The following LRCH1 variants were observed in gnomAD, a reference collection of about 807,000 sequenced individuals.
LRCH1 encodes leucine rich repeats and calponin homology domain containing 1, also known as leucine-rich repeat and calponin homology domain-containing protein 1.
Under a neutral mutation model 94.9 loss-of-function variants are expected in LRCH1, and 23 were observed. The observed-to-expected ratio is 0.24, with a 90% CI of 0.17 to 0.34. The LOEUF (loss-of-function observed/expected upper bound fraction) is 0.34, where lower values mean the gene tolerates loss of function less well. Among genes scored for constraint, LRCH1 ranks in the 10% least tolerant of loss-of-function variants. The pLI is 1.00. For synonymous variants in LRCH1, 364 were observed against 354.9 expected (o/e 1.03, Z -0.29); for missense variants, 790 against 945.9 (o/e 0.84, Z 2.16).
chr13:46,752,728 C>G (rs1044029207), exon 19 of LRCH1: 1 of 152,014 alleles, frequency 6.6e-6, no homozygotes, highest in African/African-American at 2.4e-5. Flanking sequence ...TATATGGTAG[C>G]ATGAAGCTTT....
rs1433450419 is a variant in LRCH1, at chr13:46,692,631, C to T, written c.1110C>T (p.Ser370=). The T allele has an allele frequency of 1.2e-6, 2 of 1,613,010 alleles. No homozygotes were observed. The highest frequency in any genetic ancestry group is 2.7e-5 in the African/African-American group (2 of 74,898). Residue 370 remains serine (S), a synonymous_variant, in exon 8 of 20, where the codon AGC becomes AGT. Coordinates refer to ENST00000389797, the MANE Select transcript of LRCH1 (RefSeq NM_001164211.2). The part of the protein sequence containing the change: ...IIKEDSCHRL[S]PVKGEFHQEF... ...AGGAGGACTCGTGCCATCGCCTTAGCCCCGTTAAAGGTCTGAGAATAAAAA... is the reference window on the plus strand; with the variant it reads ...AGGAGGACTCGTGCCATCGCCTTAGTCCCGTTAAAGGTCTGAGAATAAAAA...
At chr13:46,673,389 C>T (rs887723289) in intron 3 of LRCH1, among the ~76,000 whole-genome samples, 2 of 152,098 alleles carry the variant, frequency 1.3e-5, no homozygotes, top group African/African-American at 4.8e-5. Context: ...TGCTTAAGGT[C>T]ACGGTCTAAA....
At chr13:46,725,446 A>T (rs1384163172) in intron 17 of LRCH1, among the ~76,000 whole-genome samples, 1 of 152,226 alleles carries the variant, frequency 6.6e-6, no homozygotes. Flanking sequence ...GTCACTCTCT[A>T]CCAGGCTGTA....
chr13:46,731,917 T>C lies in LRCH1; in HGVS notation c.2008-2004T>C, dbSNP rs189550896. On this transcript the variant is annotated intron_variant, in intron 18 of 19. Coordinates refer to ENST00000389797, the MANE Select transcript of LRCH1 (RefSeq NM_001164211.2). ...CTCAACGCCTTAGGACAGGGTTTCT[T>C]CCTTTGTTCATTTTCCGTCACACCT... 3.1e-3 allele frequency among the ~76,000 whole-genome samples: 479 copies of C among 152,270 alleles called. 4 individuals carry two copies. Among genetic ancestry groups the C allele is most frequent in the Middle Eastern group, 6.8e-3 (2 of 294 alleles).
chr13:46,646,212 T>A (rs1343705966), intron 1 of LRCH1, among the ~76,000 whole-genome samples: 1 of 152,250 alleles, frequency 6.6e-6, no homozygotes, highest in African/African-American at 2.4e-5. Flanking sequence ...TCTTTTTAAG[T>A]GAAATGAAAT....
intron 4 of LRCH1, among the ~76,000 whole-genome samples, chr13:46,684,388 A>C (rs755100575): frequency 6.6e-6 from 1 of 152,206 alleles, no homozygotes; most frequent in Non-Finnish European, 1.5e-5. Context: ...AGAAATGGTC[A>C]TTATAAAACC....
intron 19 of LRCH1, among the ~76,000 whole-genome samples, chr13:46,739,748 T>C (rs1488572278): frequency 6.6e-6 from 1 of 152,234 alleles, no homozygotes; most frequent in African/African-American, 2.4e-5. Context: ...TTAGAGATTA[T>C]GATTTAATTT....
intron 1 of LRCH1, among the ~76,000 whole-genome samples, chr13:46,644,169 G>A (rs763073851): frequency 2.6e-5 from 4 of 152,186 alleles, no homozygotes; most frequent in Non-Finnish European, 4.4e-5. Context: ...GGTTGGTGGG[G>A]CTACTGCTGC....
At chr13:46,593,973 C>A (rs535297064) in intron 1 of LRCH1, among the ~76,000 whole-genome samples, 2 of 152,072 alleles carry the variant, frequency 1.3e-5, no homozygotes, top group South Asian at 2.1e-4. Context: ...AGTCTTAGGT[C>A]TATAGCCACT....
chr13:46,633,405 A>G (rs1445469350), intron 1 of LRCH1, among the ~76,000 whole-genome samples: 2 of 152,248 alleles, frequency 1.3e-5, no homozygotes, highest in Non-Finnish European at 2.9e-5. Context: ...GCCCTGTATT[A>G]TACACAGTTG....
chr13:46,655,488 T>A (rs945645931), intron 2 of LRCH1, among the ~76,000 whole-genome samples: 1 of 152,244 alleles, frequency 6.6e-6, no homozygotes. Context: ...GTTTAGTATA[T>A]GTGCCACTGT....
intron 1 of LRCH1, among the ~76,000 whole-genome samples, chr13:46,627,281 G>A (rs965463573): frequency 2.6e-5 from 4 of 152,184 alleles, no homozygotes; most frequent in African/African-American, 4.8e-5. Flanking sequence ...TGGGGCTTAA[G>A]CATCTGTGTG....
At position 46,744,355 on chromosome 13, in the gene LRCH1, A is replaced by G. The variant is rs1275315408; in HGVS notation, c.*2507A>G. The G allele has an allele frequency of 1.0e-6, 1 of 985,246 alleles. No individual in the cohort carries two copies. The highest frequency in any genetic ancestry group is 1.7e-5 in the African/African-American group (1 of 57,210). The allele number at this position is 985,246 out of a possible 1,614,324, so 61.0% of individuals were successfully genotyped here. ...GGAGCCAAGTATCTATTTACATTTTATTTTGAAATAGCCATTTGTATTCTC... is the reference window on the plus strand; with the variant it reads ...GGAGCCAAGTATCTATTTACATTTTGTTTTGAAATAGCCATTTGTATTCTC... On this transcript the variant is annotated 3_prime_UTR_variant, in exon 20 of 20. Transcript: ENST00000389797.
intron 1 of LRCH1, among the ~76,000 whole-genome samples, chr13:46,589,375 A>G (rs552026421): frequency 6.6e-6 from 1 of 152,142 alleles, no homozygotes; most frequent in African/African-American, 2.4e-5. Context: ...ATTCTCGTAC[A>G]TAAAGACACT....
intron 19 of LRCH1, among the ~76,000 whole-genome samples, chr13:46,738,238 A>G (rs958454196): frequency 1.3e-5 from 2 of 152,182 alleles, no homozygotes; most frequent in African/African-American, 4.8e-5. Context: ...GGAAGGAGAA[A>G]GTTTTCATTC....
At chr13:46,555,950 C>G (rs983112965) in intron 1 of LRCH1, among the ~76,000 whole-genome samples, 1 of 152,154 alleles carries the variant, frequency 6.6e-6, no homozygotes, top group African/African-American at 2.4e-5. Context: ...TTAAAGTTAC[C>G]TCCGGTGTAC....
intron 16 of LRCH1, among the ~76,000 whole-genome samples, chr13:46,720,799 C>A (rs1872557239): frequency 6.6e-6 from 1 of 152,190 alleles, no homozygotes; most frequent in Admixed American, 6.5e-5. Context: ...ACAAACCCAG[C>A]AAAATAAGCA....
chr13:46,600,281 T>A (rs1373227150), intron 1 of LRCH1, among the ~76,000 whole-genome samples: 1 of 152,218 alleles, frequency 6.6e-6, no homozygotes, highest in Non-Finnish European at 1.5e-5. Context: ...TCTGGTGTTA[T>A]TTGTTTTTTT....
chr13:46,640,248 G>A (rs1160257945), intron 1 of LRCH1, among the ~76,000 whole-genome samples: 1 of 152,232 alleles, frequency 6.6e-6, no homozygotes, highest in Non-Finnish European at 1.5e-5. Flanking sequence ...CATGATAGCA[G>A]TTATTCTTAG....
Sources: allele counts gnomAD v4.1 joint callset (sites outside exome capture counted in the v4.1 genomes callset), GRCh38; gene constraint gnomAD v4.1.1; transcripts MANE v1.5; gene names NCBI Gene and HGNC (gene_info 2026-07-23, HGNC 2026-07-21).